The following LCA5L variants were observed in gnomAD, a reference collection of about 807,000 sequenced individuals.
LCA5L encodes lebercilin-like protein.
LCA5L carries 35 observed loss-of-function variants against 45.4 expected under a neutral mutation model. The ratio of observed to expected loss-of-function variants is 0.77; its 90% CI spans 0.59 to 1.02. The LOEUF is 1.02. Among genes scored for constraint, LCA5L ranks in the 50% least tolerant of loss-of-function variants. The pLI is 0.00. For missense variants in LCA5L, 668 were observed against 761.6 expected, an observed-to-expected ratio of 0.88 and a Z score of 1.45; for synonymous variants, 233 against 264.7, an observed-to-expected ratio of 0.88 and a Z score of 1.16.
chr21:39,426,941 A>G (rs137970425), intron 5 of LCA5L, among the ~76,000 whole-genome samples: 14 of 152,376 alleles, frequency 9.2e-5, no homozygotes, highest in African/African-American at 3.4e-4. Context: ...GTTTACAAAC[A>G]CACATAGACA....
rs200754742 is a variant in LCA5L at position 39,423,039 on chromosome 21, T to G, written c.774A>C (p.Glu258Asp). ...TAATAGATAATTTATGAGTGAGTTC[T>G]TCCCTTTCTGCAAGGTTTTTGTCTT... Reference protein sequence around the residue: ...LSEDKNLAEREELTHKLSIIT... With the variant: ...LSEDKNLAERDELTHKLSIIT... The change falls in exon 6 of 11, where the codon GAA becomes GAC. Residue 258 changes from glutamate (E) to aspartate (D), a missense_variant. Glu to Asp is a conservative substitution (Grantham distance 45). Transcript: ENST00000288350. 3.1e-6 allele frequency: 5 copies of G among 1,614,144 alleles called. No individual in the cohort carries two copies. The Admixed American group carries it at 8.3e-5, about 27-fold the overall frequency.
chr21:39,411,872 C>G lies in LCA5L; in HGVS notation c.976-70G>C, dbSNP rs1035463385. 4 of 852,134 alleles carry G rather than the reference C, an allele frequency of 4.7e-6. No homozygotes were observed. The African/African-American group carries it at 6.8e-5, about 15-fold the overall frequency. 52.8% of individuals were successfully genotyped at this position (852,134 alleles called of 1,614,324 possible). On this transcript the variant is annotated intron_variant, in intron 7 of 10. Coordinates refer to ENST00000288350, the MANE Select transcript of LCA5L (RefSeq NM_152505.4). ...TGTCAACCCTGATTTCTTTTAAAAA[C>G]AATTTAAATGAGCTCAGTATCCTAT...
chr21:39,405,964 G>T lies in LCA5L; in HGVS notation c.1931C>A (p.Ala644Asp). 6.2e-7 allele frequency: 1 copy of T among 1,614,130 alleles called. No homozygotes were observed. The highest frequency in any genetic ancestry group is 8.5e-7 in the Non-Finnish European group (1 of 1,179,952). ...LPPSQASTSH[A>D]FGDSKVTVVN... Reference sequence around the variant, plus strand: ...CACAGTTACTTTAGAGTCTCCGAAAGCATGGCTGGTGGAGGCCTGACTGGG... The same window carrying T: ...CACAGTTACTTTAGAGTCTCCGAAATCATGGCTGGTGGAGGCCTGACTGGG... The change falls in exon 11 of 11, where the codon GCT becomes GAT. Residue 644 changes from alanine to aspartate, a missense_variant. Physicochemically the swap from Ala to Asp is moderately radical, Grantham distance 126. Transcript: ENST00000288350.
At chr21:39,444,284 C>T (rs2077191165) in intron 1 of LCA5L, 83 bp from the exon 2 acceptor site, 1 of 152,182 alleles carries the variant, frequency 6.6e-6, no homozygotes, top group Non-Finnish European at 1.5e-5. Flanking sequence ...TTCTTTTGTT[C>T]TTCAGGACAG....
chr21:39,414,552 CT>C (rs1273459074), intron 7 of LCA5L, among the ~76,000 whole-genome samples: 1 of 152,122 alleles, frequency 6.6e-6, no homozygotes, highest in African/African-American at 2.4e-5. Context: ...ATTTCTAGTC[CT>C]ATATGCTCTT....
intron 3 of LCA5L, among the ~76,000 whole-genome samples, chr21:39,432,148 G>T (rs978596517): frequency 1.3e-5 from 2 of 152,118 alleles, no homozygotes; most frequent in African/African-American, 2.4e-5. Context: ...TTACAACTTG[G>T]TAAGATCAGT....
chr21:39,441,453 T>C (rs1311223022), intron 2 of LCA5L, among the ~76,000 whole-genome samples: 1 of 152,180 alleles, frequency 6.6e-6, no homozygotes, highest in Non-Finnish European at 1.5e-5. Flanking sequence ...CTCAGTGACA[T>C]ATAAGGTCCA....
In LCA5L at chr21:39,405,981, C is replaced by A; in HGVS notation, c.1914G>T (p.Gln638His). 1.2e-6 allele frequency: 2 copies of A among 1,614,196 alleles called. No individual in the cohort carries two copies. Among genetic ancestry groups the A allele is most frequent in the Non-Finnish European group, 1.7e-6 (2 of 1,180,040 alleles). Residue 638 changes from glutamine to histidine, a missense_variant, in exon 11 of 11, where the codon CAG becomes CAT. Gln to His is a conservative substitution (Grantham distance 24). Coordinates refer to ENST00000288350, the MANE Select transcript of LCA5L (RefSeq NM_152505.4). ...SKESHPLPPS[Q>H]ASTSHAFGDS... ...CTCCGAAAGCATGGCTGGTGGAGGC[C>A]TGACTGGGAGGCAGGGGATGCGACT...
chr21:39,412,829 G>T (rs954898859), intron 7 of LCA5L, among the ~76,000 whole-genome samples: 3 of 152,206 alleles, frequency 2.0e-5, no homozygotes, highest in African/African-American at 7.2e-5. Context: ...AAGTAACATG[G>T]TATTGCCCAA....
In LCA5L at chr21:39,406,293, A is replaced by C; in HGVS notation, c.1602T>G (p.His534Gln). The C allele has an allele frequency of 6.2e-7, 1 of 1,614,216 alleles. No individual in the cohort carries two copies. The highest frequency in any genetic ancestry group is 8.5e-7 in the Non-Finnish European group (1 of 1,180,034). Reference sequence around the variant, plus strand: ...GCCCCCCTGAAGCAGGAAGCCCATGATGCAGGTTTTCAGTTGCTTCTGTGA... The same window carrying C: ...GCCCCCCTGAAGCAGGAAGCCCATGCTGCAGGTTTTCAGTTGCTTCTGTGA... Reference protein sequence around the residue: ...YSFTEATENLHHGLPASGGPA... With the variant: ...YSFTEATENLQHGLPASGGPA... The change falls in exon 11 of 11, where the codon CAT becomes CAG. Residue 534 changes from histidine (H) to glutamine (Q), a missense_variant. By Grantham distance (24) the His-to-Gln change is conservative (BLOSUM62 0). Coordinates refer to ENST00000288350, the MANE Select transcript of LCA5L (RefSeq NM_152505.4).
intron 6 of LCA5L, chr21:39,422,361 A>G (rs1399477212): frequency 6.6e-6 from 1 of 152,318 alleles, no homozygotes; most frequent in Non-Finnish European, 1.5e-5. Context: ...TTATAATGTA[A>G]TCCCCAGGCT....
At chr21:39,423,859 A>C (rs986613263) in intron 5 of LCA5L, among the ~76,000 whole-genome samples, 14 of 152,166 alleles carry the variant, frequency 9.2e-5, no homozygotes, top group African/African-American at 3.4e-4. Flanking sequence ...GCTAGACTAA[A>C]AGCTGTGATA....
intron 7 of LCA5L, among the ~76,000 whole-genome samples, chr21:39,413,402 A>C (rs1376867624): frequency 6.6e-6 from 1 of 152,238 alleles, no homozygotes; most frequent in Non-Finnish European, 1.5e-5. Context: ...TTCTTGTCCA[A>C]CTGCCATCCT....
intron 2 of LCA5L, among the ~76,000 whole-genome samples, chr21:39,440,901 A>T (rs1351695978): frequency 6.6e-6 from 1 of 152,258 alleles, no homozygotes; most frequent in Non-Finnish European, 1.5e-5. Context: ...TAAATGTGGT[A>T]TTATATAGCT....
In LCA5L at chr21:39,423,124, T is replaced by C. The variant is rs767148617; in HGVS notation, c.689A>G (p.Glu230Gly). The C allele has an allele frequency of 1.9e-6, 3 of 1,613,812 alleles. No homozygotes were observed. The highest frequency in any genetic ancestry group is 2.5e-6 in the Non-Finnish European group (3 of 1,179,994). ...KERTLSRKLR[E>G]TDSQLLKTKD... ...AGTCTTCAGTAACTGGCTGTCAGTT[T>C]CTCTAAGTTTCCTAGATAGAGTTCT... The change falls in exon 6 of 11, where the codon GAA becomes GGA. Residue 230 changes from glutamate to glycine, a missense_variant. Coordinates refer to ENST00000288350, the MANE Select transcript of LCA5L (RefSeq NM_152505.4).
rs2039055727 is a variant in LCA5L, at chr21:39,406,258, G to A, written c.1637C>T (p.Ala546Val). The A allele has an allele frequency of 6.2e-7, 1 of 1,614,166 alleles. No individual in the cohort carries two copies. Among genetic ancestry groups the A allele is most frequent in the South Asian group, 1.1e-5 (1 of 91,078 alleles). ...GLPASGGPAN[A>V]GNMRYSHSTG... ...ACTATGACTGTACCTCATGTTGCCG[G>A]CATTGGCTGGCCCCCCTGAAGCAGG... Residue 546 changes from alanine (A) to valine (V), a missense_variant, in exon 11 of 11, where the codon GCC becomes GTC. By Grantham distance (64) the Ala-to-Val change is moderately conservative. Transcript: ENST00000288350.
chr21:39,410,137 C>T, intron 9 of LCA5L, 41 bp from the exon 10 acceptor site: 2 of 1,398,590 alleles, frequency 1.4e-6, no homozygotes, highest in Non-Finnish European at 1.0e-6. Flanking sequence ...TTTGGGGGGT[C>T]TAGATAACTT....
At chr21:39,436,463 A>C (rs1219687164) in intron 2 of LCA5L, among the ~76,000 whole-genome samples, 2 of 152,140 alleles carry the variant, frequency 1.3e-5, no homozygotes, top group East Asian at 1.9e-4. Flanking sequence ...TCTGGCTGAA[A>C]TTATTCTATG....
intron 3 of LCA5L, among the ~76,000 whole-genome samples, chr21:39,430,574 G>A (rs1226735781): frequency 3.9e-5 from 6 of 152,076 alleles, no homozygotes; most frequent in Non-Finnish European, 7.4e-5. Context: ...ATCCCATAGG[G>A]TTGAGAAAGA....
Sources: gnomAD v4.1 joint callset for allele counts (sites outside exome capture counted in the v4.1 genomes callset) on GRCh38, gnomAD v4.1.1 for gene constraint, MANE v1.5 for transcripts, NCBI Gene and HGNC (gene_info 2026-07-23, HGNC 2026-07-21) for gene names.